The following RYR3 variants were observed in gnomAD, a reference collection of about 807,000 sequenced individuals.
RYR3 encodes brain ryanodine receptor-calcium release channel.
In RYR3, 207 loss-of-function variants were observed where a neutral mutation model predicts 584.3. The ratio of observed to expected loss-of-function variants is 0.35; its 90% CI spans 0.32 to 0.40. RYR3 has a LOEUF of 0.40. Ranked by LOEUF, RYR3 falls within the 10% of genes least tolerant of loss-of-function variation. The pLI is 1.00. For missense variants in RYR3, 5,616 were observed against 6,089.2 expected (o/e 0.92, Z 2.59); for synonymous variants, 2,416 against 2,248.5 (o/e 1.07, Z -2.11).
chr15:33,724,720 G>A (rs1032450984), intron 45 of RYR3, among the ~76,000 whole-genome samples: 11 of 152,104 alleles, frequency 7.2e-5, no homozygotes, highest in African/African-American at 2.7e-4. Flanking sequence ...TCTACTGAGG[G>A]CTGAAAGAAT....
At chr15:33,746,002 G>A (rs2070668563) in intron 52 of RYR3, 66 bp from the exon 53 acceptor site, 1 of 1,001,872 alleles carries the variant, frequency 1.0e-6, no homozygotes, top group African/African-American at 1.6e-5. Flanking sequence ...ATAGAAGCAG[G>A]GATTTGGGTC....
intron 1 of RYR3, among the ~76,000 whole-genome samples, chr15:33,400,908 T>G (rs1338330064): frequency 6.6e-6 from 1 of 152,224 alleles, no homozygotes; most frequent in East Asian, 1.9e-4. Context: ...TTTGGGTCAA[T>G]CATACTGACC....
intron 16 of RYR3, among the ~76,000 whole-genome samples, chr15:33,595,504 C>T (rs2059327697): frequency 6.6e-6 from 1 of 152,096 alleles, no homozygotes. Context: ...AGGAACTGCA[C>T]TTATTTTATC....
At chr15:33,813,704 A>C (rs2076664227) in intron 74 of RYR3, 125 bp downstream of exon 74, 1 of 776,398 alleles carries the variant, frequency 1.3e-6, no homozygotes, top group African/African-American at 1.7e-5. Flanking sequence ...CTATGGAGCT[A>C]TTGCAGTCTG....
chr15:33,516,495 C>G (rs562354255), intron 3 of RYR3, among the ~76,000 whole-genome samples: 31 of 152,064 alleles, frequency 2.0e-4, no homozygotes, highest in African/African-American at 4.6e-4. Flanking sequence ...AGATGCCCAC[C>G]ACCACGCCTG....
intron 3 of RYR3, among the ~76,000 whole-genome samples, chr15:33,518,367 C>A (rs2053696706): frequency 6.6e-6 from 1 of 152,106 alleles, no homozygotes; most frequent in South Asian, 2.1e-4. Context: ...CTGGAGGAGG[C>A]AAACATCAAC....
At chr15:33,557,204 A>G (rs1402595115) in intron 10 of RYR3, among the ~76,000 whole-genome samples, 1 of 152,226 alleles carries the variant, frequency 6.6e-6, no homozygotes, top group Non-Finnish European at 1.5e-5. Flanking sequence ...ATAAAGTAGG[A>G]TAATACAAGC....
rs543594606 is a variant in RYR3 at position 33,483,426 on chromosome 15, G to A, written c.171+9888G>A. Among the ~76,000 whole-genome samples the A allele has an allele frequency of 1.1e-4, 16 of 152,158 alleles. 1 individual carries two copies. In the East Asian group the frequency reaches 2.5e-3, roughly 24 times the overall value. The stretch of plus-strand genomic sequence containing the variant: ...TTTTATAGTTATTCTGGTTTCTGTT[G>A]TCTGCCCCCTGAGGAATATTGTATT... On this transcript the variant is annotated intron_variant, in intron 2 of 103. Coordinates refer to ENST00000634891, the MANE Select transcript of RYR3 (RefSeq NM_001036.6).
At position 33,746,290 on chromosome 15, in the gene RYR3, C is replaced by A. The variant is rs544774983; in HGVS notation, c.7989+133C>A. 4 of 693,822 alleles carry A rather than the reference C, an allele frequency of 5.8e-6. No homozygotes were observed. The South Asian group carries it at 7.1e-5, about 12-fold the overall frequency. 43.0% of individuals were successfully genotyped at this position (693,822 alleles called of 1,614,324 possible). ...ATCATCTAGGACTCAGTAAACTGTTCACAAGCTTGCCAGTGGGCAAGTGCC... is the reference window on the plus strand; with the variant it reads ...ATCATCTAGGACTCAGTAAACTGTTAACAAGCTTGCCAGTGGGCAAGTGCC... On this transcript the variant is annotated intron_variant, in intron 53 of 103. Transcript: ENST00000634891.
intron 102 of RYR3, among the ~76,000 whole-genome samples, chr15:33,862,951 G>A (rs941671756): frequency 2.0e-5 from 3 of 152,154 alleles, no homozygotes; most frequent in African/African-American, 4.8e-5. Flanking sequence ...TAACTTTACT[G>A]TGCCCTTCCT....
intron 17 of RYR3, among the ~76,000 whole-genome samples, chr15:33,602,743 T>G (rs2059728519): frequency 2.5e-5 from 2 of 79,010 alleles, no homozygotes; most frequent in Admixed American, 1.5e-4. Context: ...CTTTTTTTTT[T>G]TTTTTTTTTT....
intron 53 of RYR3, among the ~76,000 whole-genome samples, chr15:33,747,843 G>C (rs185740741): frequency 1.3e-5 from 2 of 152,276 alleles, no homozygotes. Context: ...TCCCATTCCT[G>C]TTCTTCGTCT....
At chr15:33,442,980 C>T (rs1468587815) in intron 1 of RYR3, among the ~76,000 whole-genome samples, 2 of 152,114 alleles carry the variant, frequency 1.3e-5, no homozygotes, top group African/African-American at 2.4e-5. Context: ...TAAACAAGGC[C>T]AGGTGCAGTG....
In RYR3 at chr15:33,774,611, T is replaced by C. The variant is rs923371517; in HGVS notation, c.9137+996T>C. Among the ~76,000 whole-genome samples the C allele has an allele frequency of 6.6e-5, 10 of 152,316 alleles. No individual in the cohort carries two copies. In the South Asian group the frequency reaches 1.7e-3, roughly 25 times the overall value. On this transcript the variant is annotated intron_variant, in intron 64 of 103. Coordinates refer to ENST00000634891, the MANE Select transcript of RYR3 (RefSeq NM_001036.6). The stretch of plus-strand genomic sequence containing the variant: ...ATGTACTAGAAACCAAAAAATGTTG[T>C]AGAAATGTCTGTTTCTTCATAATCA...
intron 1 of RYR3, among the ~76,000 whole-genome samples, chr15:33,381,719 G>T (rs1000995542): frequency 3.9e-5 from 6 of 152,122 alleles, no homozygotes; most frequent in African/African-American, 1.4e-4. Flanking sequence ...CTTGCCCTAT[G>T]CTGCCTTGTA....
rs780704306 is a variant in RYR3, at chr15:33,837,896, C to A, written c.11916C>A (p.Asp3972Glu). The A allele has an allele frequency of 4.3e-6, 7 of 1,613,894 alleles. 1 individual carries two copies. The African/African-American group carries it at 5.3e-5, about 12-fold the overall frequency. Reference protein sequence around the residue: ...LLSCAEADENDMFNYVDFVDR... With the variant: ...LLSCAEADENEMFNYVDFVDR... ...CGTGTGCAGAAGCTGATGAGAATGA[C>A]ATGTTTAATTACGTTGATTTTGTAG... is the stretch of plus-strand genomic sequence containing the variant. Residue 3972 changes from aspartate (D) to glutamate (E), a missense_variant, in exon 89 of 104, where the codon GAC becomes GAA. Physicochemically the swap from Asp to Glu is conservative, Grantham distance 45. This residue lies in a region of RYR3 where 258 missense variants were observed against 297.3 expected (regional missense o/e 0.87). Coordinates refer to ENST00000634891, the MANE Select transcript of RYR3 (RefSeq NM_001036.6).
chr15:33,598,535 C>A (rs2152545720), intron 16 of RYR3, among the ~76,000 whole-genome samples: 1 of 143,434 alleles, frequency 7.0e-6, no homozygotes, highest in East Asian at 2.3e-4. Context: ...TAACTTTAGT[C>A]GTTTAAAAGG....
intron 1 of RYR3, among the ~76,000 whole-genome samples, chr15:33,337,736 C>T (rs1431518254): frequency 6.6e-6 from 1 of 152,104 alleles, no homozygotes; most frequent in African/African-American, 2.4e-5. Flanking sequence ...ATACACATTT[C>T]CTGTGACCCA....
intron 43 of RYR3, among the ~76,000 whole-genome samples, chr15:33,720,279 A>G (rs1023657459): frequency 6.6e-6 from 1 of 152,194 alleles, no homozygotes; most frequent in East Asian, 1.9e-4. Flanking sequence ...TAGACTCTTC[A>G]GGGCTGTGAG....
Sources: allele counts gnomAD v4.1 joint callset (sites outside exome capture counted in the v4.1 genomes callset), GRCh38; gene constraint gnomAD v4.1.1; regional missense constraint gnomAD v4.1.1; transcripts MANE v1.5; gene names NCBI Gene and HGNC (gene_info 2026-07-23, HGNC 2026-07-21).